Variants in ANKRD12 observed in about 807,000 individuals in gnomAD.
ANKRD12 encodes the protein ankyrin repeat domain 12.
Under a neutral mutation model 183.4 loss-of-function variants are expected in ANKRD12, and 85 were observed. The ratio of observed to expected loss-of-function variants is 0.46; its 90% confidence interval spans 0.39 to 0.56. The LOEUF (loss-of-function observed/expected upper bound fraction) is 0.56. Among genes scored for constraint, ANKRD12 ranks in the 20% least tolerant of loss-of-function variants. The pLI is 0.00. For missense variants in ANKRD12, 2,405 were observed against 2,357.1 expected, an observed-to-expected ratio of 1.02 and a Z score of -0.42; for synonymous variants, 914 against 800.2, an observed-to-expected ratio of 1.14 and a Z score of -2.40.
At chr18:9,240,019 C>A (rs554490862) in intron 8 of ANKRD12, among the ~76,000 whole-genome samples, 1 of 152,096 alleles carries the variant, frequency 6.6e-6, no homozygotes, top group South Asian at 2.1e-4. Flanking sequence ...CTTCCTTAAT[C>A]AGAAAGGAAA....
At chr18:9,194,921 T>C (rs2034683403) in intron 2 of ANKRD12, among the ~76,000 whole-genome samples, 2 of 152,236 alleles carry the variant, frequency 1.3e-5, no homozygotes, top group South Asian at 4.1e-4. Context: ...AGCAAATACA[T>C]GGAATTAACC....
rs1475867325 is a variant in ANKRD12 at position 9,264,445 on chromosome 18, C to T, written c.5763+557C>T. The stretch of plus-strand genomic sequence containing the variant: ...CTGAAAATGTGGTGTAAACTATGAT[C>T]CTTCTTCACAGAAATATATACATAC... On this transcript the variant is annotated intron_variant, in intron 10 of 12. Coordinates refer to ENST00000262126, the MANE Select transcript of ANKRD12 (RefSeq NM_015208.5). Among the ~76,000 whole-genome samples, 3 of 152,262 alleles carry T rather than the reference C, an allele frequency of 2.0e-5. No homozygotes were observed. In the East Asian group the frequency reaches 5.8e-4, roughly 29 times the overall value.
intron 1 of ANKRD12, among the ~76,000 whole-genome samples, chr18:9,160,013 TA>T (rs1244871914): frequency 6.6e-6 from 1 of 151,638 alleles, no homozygotes; most frequent in Non-Finnish European, 1.5e-5. Flanking sequence ...CTCATGCCTG[TA>T]ATCCCCGCAC....
intron 8 of ANKRD12, among the ~76,000 whole-genome samples, chr18:9,247,552 CTAAT>C (rs1478694907): frequency 2.6e-5 from 4 of 152,072 alleles, no homozygotes; most frequent in African/African-American, 9.7e-5. Context: ...CATATTTAGG[CTAAT>C]TAATTTTTAT....
chr18:9,223,144 C>T (rs923191315), intron 8 of ANKRD12, among the ~76,000 whole-genome samples: 1 of 152,110 alleles, frequency 6.6e-6, no homozygotes, highest in Admixed American at 6.5e-5. Flanking sequence ...CAGGGTTGGG[C>T]GTGGTGGCTC....
intron 7 of ANKRD12, among the ~76,000 whole-genome samples, chr18:9,221,035 T>C (rs1471629105): frequency 6.6e-6 from 1 of 152,188 alleles, no homozygotes; most frequent in Non-Finnish European, 1.5e-5. Flanking sequence ...GATATAGGTT[T>C]CAGCAAAGTT....
At chr18:9,240,808 G>T (rs1458236169) in intron 8 of ANKRD12, among the ~76,000 whole-genome samples, 1 of 152,146 alleles carries the variant, frequency 6.6e-6, no homozygotes, top group Non-Finnish European at 1.5e-5. Context: ...AATTACAGTA[G>T]TATGTTGTTA....
At chr18:9,232,021 T>C (rs932259624) in intron 8 of ANKRD12, among the ~76,000 whole-genome samples, 22 of 152,164 alleles carry the variant, frequency 1.4e-4, no homozygotes, top group African/African-American at 4.8e-4. Flanking sequence ...GTCTATTAAG[T>C]GGAGAATTTA....
At chr18:9,194,232 G>C (rs1044935867) in intron 2 of ANKRD12, among the ~76,000 whole-genome samples, 4 of 152,238 alleles carry the variant, frequency 2.6e-5, no homozygotes, top group South Asian at 4.2e-4. Context: ...CAGTAGGTCT[G>C]AGATGATGCC....
At chr18:9,276,396 A>G (rs1194231265) in intron 11 of ANKRD12, among the ~76,000 whole-genome samples, 1 of 152,152 alleles carries the variant, frequency 6.6e-6, no homozygotes, top group African/African-American at 2.4e-5. Flanking sequence ...AAAAATCAAG[A>G]TTGAACTAGA....
chr18:9,236,030 G>A (rs925434559), intron 8 of ANKRD12, among the ~76,000 whole-genome samples: 1 of 151,628 alleles, frequency 6.6e-6, no homozygotes, highest in Non-Finnish European at 1.5e-5. Flanking sequence ...ATGCTTTTGA[G>A]AAGGGACCAG....
chr18:9,274,096 T>C (rs2039724418), intron 10 of ANKRD12, among the ~76,000 whole-genome samples: 1 of 152,240 alleles, frequency 6.6e-6, no homozygotes, highest in Admixed American at 6.5e-5. Flanking sequence ...CTGTCACTGG[T>C]CACAAGAATG....
chr18:9,281,339 T>C lies in ANKRD12; in HGVS notation c.*213T>C. 2.4e-6 allele frequency: 1 copy of C among 415,602 alleles called. No homozygotes were observed. The highest frequency in any genetic ancestry group is 4.2e-6 in the Non-Finnish European group (1 of 238,714). The allele number at this position is 415,602 out of a possible 1,614,324, so 25.7% of individuals were successfully genotyped here. On this transcript the variant is annotated 3_prime_UTR_variant, in exon 13 of 13. Coordinates refer to ENST00000262126, the MANE Select transcript of ANKRD12 (RefSeq NM_015208.5). ...ACAGTTTCTAATAGAAAACTATTAT[T>C]TATATTGGGAAAGGTAACTATTGCA...
At chr18:9,232,120 C>G (rs1021472732) in intron 8 of ANKRD12, among the ~76,000 whole-genome samples, 12 of 152,066 alleles carry the variant, frequency 7.9e-5, no homozygotes, top group African/African-American at 2.9e-4. Context: ...ATTCTTTGTT[C>G]CTTTTTGTCT....
intron 1 of ANKRD12, among the ~76,000 whole-genome samples, chr18:9,162,145 A>G (rs2031506892): frequency 6.6e-6 from 1 of 152,072 alleles, no homozygotes; most frequent in South Asian, 2.1e-4. Context: ...TCACCTTGGT[A>G]TTAAGCCTAG....
chr18:9,153,492 G>T (rs902807472), intron 1 of ANKRD12, among the ~76,000 whole-genome samples: 2 of 152,094 alleles, frequency 1.3e-5, no homozygotes, highest in African/African-American at 4.8e-5. Flanking sequence ...TTGGCCCTTG[G>T]ATTCATGTTT....
rs2038533771 is a variant in ANKRD12 at position 9,255,236 on chromosome 18, C to CTTTTTT, written c.1969_1970insTTTTTT (p.His657delinsLeuPheTyr). Reference sequence around the variant, plus strand: ...AACATTAAAAAAACATAAATTGAAGCATAAAGAGAGGGAAAAAGAAAAGCA... The same window carrying CTTTTTT: ...AACATTAAAAAAACATAAATTGAAGCTTTTTTATAAAGAGAGGGAAAAAGAAAAGCA... On this transcript the variant is annotated protein_altering_variant, in exon 9 of 13. Transcript: ENST00000262126. 6.4e-7 allele frequency: 1 copy of CTTTTTT among 1,558,210 alleles called. No homozygotes were observed. The highest frequency in any genetic ancestry group is 8.6e-7 in the Non-Finnish European group (1 of 1,161,158).
At position 9,258,345 on chromosome 18, in the gene ANKRD12, C is replaced by T. The variant is rs1409202613; in HGVS notation, c.5078C>T (p.Ser1693Leu). 1.2e-6 allele frequency: 2 copies of T among 1,613,688 alleles called. No individual in the cohort carries two copies. Among genetic ancestry groups the T allele is most frequent in the South Asian group, 1.1e-5 (1 of 91,042 alleles). ...GAGGAATCTCAACAAAGCATTTTAT[C>T]AAGTCTGGAAAACCATTCACAGCAG... ...EDEESQQSIL[S>L]SLENHSQQST... Residue 1693 changes from serine to leucine, a missense_variant, in exon 9 of 13, where the codon TCA becomes TTA. Ser to Leu is a moderately radical substitution (Grantham distance 145). Around this residue, in one of 7 missense-constraint regions of ANKRD12, gnomAD observed 1,983 missense variants for 1,725.9 expected, o/e 1.15. Coordinates refer to ENST00000262126, the MANE Select transcript of ANKRD12 (RefSeq NM_015208.5).
At chr18:9,183,835 A>G (rs578249636) in intron 2 of ANKRD12, among the ~76,000 whole-genome samples, 2 of 152,200 alleles carry the variant, frequency 1.3e-5, no homozygotes, top group East Asian at 3.9e-4. Context: ...GATAATTTAT[A>G]TGTGCAGTTT....
Sources: gnomAD v4.1 joint callset for allele counts (sites outside exome capture counted in the v4.1 genomes callset) on GRCh38, gnomAD v4.1.1 for gene constraint, gnomAD v4.1.1 regional missense constraint, MANE v1.5 for transcripts, NCBI Gene and HGNC (gene_info 2026-07-23, HGNC 2026-07-21) for gene names.